GRM1: variants seen among roughly 807,000 people sequenced by gnomAD.
The protein encoded by GRM1 is metabotropic glutamate receptor 1.
Under a neutral mutation model 90.9 loss-of-function variants are expected in GRM1, and 33 were observed. That is an observed-to-expected ratio of 0.36 (90% confidence interval 0.28 to 0.49). The LOEUF is 0.49. Ranked by LOEUF, GRM1 falls within the 20% of genes least tolerant of loss-of-function variation. GRM1 has a pLI of 0.99. For synonymous variants in GRM1, 700 were observed against 613.2 expected (o/e 1.14, Z -2.09); for missense variants, 1,190 against 1,534.3 (o/e 0.78, Z 3.75).
chr6:146,054,753 A>G (rs1390785328), intron 1 of GRM1, among the ~76,000 whole-genome samples: 1 of 152,110 alleles, frequency 6.6e-6, no homozygotes, highest in Non-Finnish European at 1.5e-5. Context: ...TCTACCAGAA[A>G]TGTTTTATAG....
intron 5 of GRM1, among the ~76,000 whole-genome samples, chr6:146,371,941 C>T (rs2115095227): frequency 6.6e-6 from 1 of 152,176 alleles, no homozygotes; most frequent in African/African-American, 2.4e-5. Flanking sequence ...GCAGATATCT[C>T]TTCAATATAC....
chr6:146,050,936 C>T (rs1282241585), intron 1 of GRM1, among the ~76,000 whole-genome samples: 1 of 152,014 alleles, frequency 6.6e-6, no homozygotes, highest in Non-Finnish European at 1.5e-5. Context: ...CATAACAGAG[C>T]GTTGCAATCA....
intron 1 of GRM1, among the ~76,000 whole-genome samples, chr6:146,061,378 T>C (rs79311432): frequency 0.022 from 3,405 of 152,208 alleles, 55 homozygotes; most frequent in Non-Finnish European, 0.037. Flanking sequence ...GCAATATCTG[T>C]GTTTGCACAT....
At chr6:146,340,041 C>CTATG (rs1410016257) in intron 3 of GRM1, among the ~76,000 whole-genome samples, 1 of 152,196 alleles carries the variant, frequency 6.6e-6, no homozygotes, top group Non-Finnish European at 1.5e-5. Flanking sequence ...TACCTGGTGA[C>CTATG]TATGACTCAG....
At chr6:146,324,923 A>G (rs1409564303) in intron 3 of GRM1, among the ~76,000 whole-genome samples, 1 of 152,186 alleles carries the variant, frequency 6.6e-6, no homozygotes, top group African/African-American at 2.4e-5. Context: ...TTAACTGTCA[A>G]AATTACTGCG....
chr6:146,262,496 A>G (rs148612468), intron 2 of GRM1, among the ~76,000 whole-genome samples: 1 of 152,146 alleles, frequency 6.6e-6, no homozygotes, highest in Admixed American at 6.5e-5. Flanking sequence ...ATGAATCAAA[A>G]AGGAAAGTAT....
At chr6:146,370,611 C>T (rs981047525) in intron 5 of GRM1, among the ~76,000 whole-genome samples, 1 of 151,866 alleles carries the variant, frequency 6.6e-6, no homozygotes, top group Non-Finnish European at 1.5e-5. Context: ...TCATGTGGGC[C>T]ACAGCGGGTC....
At chr6:146,221,167 G>C (rs529639552) in intron 2 of GRM1, among the ~76,000 whole-genome samples, 12 of 152,080 alleles carry the variant, frequency 7.9e-5, no homozygotes, top group Non-Finnish European at 1.5e-4. Context: ...CAGAGGTCAA[G>C]AAATTTTTTT....
chr6:146,034,594 G>C (rs1028568044), intron 1 of GRM1, among the ~76,000 whole-genome samples: 1 of 151,918 alleles, frequency 6.6e-6, no homozygotes, highest in African/African-American at 2.4e-5. Flanking sequence ...CTGGGATTTT[G>C]ATTGTTTAAT....
At chr6:146,276,962 G>C (rs1331723845) in intron 2 of GRM1, among the ~76,000 whole-genome samples, 1 of 152,062 alleles carries the variant, frequency 6.6e-6, no homozygotes, top group Non-Finnish European at 1.5e-5. Context: ...ATAAAAATTA[G>C]TTGGGCATGT....
chr6:146,178,437 A>G (rs1463187646), intron 2 of GRM1, among the ~76,000 whole-genome samples: 1 of 152,226 alleles, frequency 6.6e-6, no homozygotes, highest in African/African-American at 2.4e-5. Flanking sequence ...TCTAAACACA[A>G]TGAAATATCT....
intron 2 of GRM1, among the ~76,000 whole-genome samples, chr6:146,304,349 G>A (rs192908737): frequency 5.9e-5 from 9 of 152,224 alleles, no homozygotes; most frequent in African/African-American, 1.7e-4. Context: ...GATGACTAGT[G>A]AATACTCATC....
chr6:146,307,158 G>A (rs1783606314), intron 3 of GRM1, among the ~76,000 whole-genome samples: 1 of 152,166 alleles, frequency 6.6e-6, no homozygotes, highest in Non-Finnish European at 1.5e-5. Context: ...AGCTTAAACT[G>A]TGTTAGTATT....
At chr6:146,129,050 C>T (rs143476309) in intron 1 of GRM1, among the ~76,000 whole-genome samples, 12 of 152,198 alleles carry the variant, frequency 7.9e-5, no homozygotes, top group East Asian at 1.9e-4. Context: ...TGATATTTTC[C>T]GGTACATGTA....
intron 2 of GRM1, among the ~76,000 whole-genome samples, chr6:146,196,983 G>C (rs1779145023): frequency 6.6e-6 from 1 of 152,102 alleles, no homozygotes; most frequent in Non-Finnish European, 1.5e-5. Flanking sequence ...AGTTGGGTTG[G>C]GGAAATTGGA....
chr6:146,069,702 A>G (rs1775964210), intron 1 of GRM1, among the ~76,000 whole-genome samples: 1 of 152,182 alleles, frequency 6.6e-6, no homozygotes, highest in South Asian at 2.1e-4. Flanking sequence ...AAAGATTCCT[A>G]ACATTAGCTT....
chr6:146,051,333 G>A (rs1029191929), intron 1 of GRM1, among the ~76,000 whole-genome samples: 1 of 152,048 alleles, frequency 6.6e-6, no homozygotes, highest in African/African-American at 2.4e-5. Flanking sequence ...GTATCCTACA[G>A]TGGTTAGCTT....
At chr6:146,356,425 G>A (rs1785585955) in intron 4 of GRM1, among the ~76,000 whole-genome samples, 2 of 144,902 alleles carry the variant, frequency 1.4e-5, no homozygotes, top group South Asian at 4.5e-4. Flanking sequence ...GTGGAAGGGG[G>A]CTAGAAAGCT....
At chr6:146,236,790 T>G (rs957510445) in intron 2 of GRM1, among the ~76,000 whole-genome samples, 2 of 152,134 alleles carry the variant, frequency 1.3e-5, no homozygotes, top group African/African-American at 2.4e-5. Flanking sequence ...CAGGTAGGCC[T>G]TCATGCCTTT....
Sources: allele counts gnomAD v4.1 joint callset (sites outside exome capture counted in the v4.1 genomes callset), GRCh38; gene constraint gnomAD v4.1.1; transcripts MANE v1.5; gene names NCBI Gene and HGNC (gene_info 2026-07-23, HGNC 2026-07-21).